The following HMCN1 variants were observed in gnomAD, a reference collection of about 807,000 sequenced individuals.
The protein encoded by HMCN1 is hemicentin-1.
A neutral mutation model predicts 625.9 loss-of-function variants in HMCN1; 321 were observed. The observed-to-expected ratio is 0.51, with a 90% CI of 0.47 to 0.56. The LOEUF (loss-of-function observed/expected upper bound fraction) is 0.56, where lower values mean the gene tolerates loss of function less well. Among genes scored for constraint, HMCN1 ranks in the 20% least tolerant of loss-of-function variants. The pLI is 0.00. For synonymous variants in HMCN1, 2,425 were observed against 2,417.6 expected (o/e 1.00, Z -0.09); for missense variants, 6,588 against 6,887.3 (o/e 0.96, Z 1.54).
chr1:186,041,746 T>A (rs1212423410), intron 40 of HMCN1, among the ~76,000 whole-genome samples: 1 of 152,130 alleles, frequency 6.6e-6, no homozygotes, highest in Non-Finnish European at 1.5e-5. Flanking sequence ...CATTCCAGTA[T>A]ACCTTTACAT....
intron 4 of HMCN1, among the ~76,000 whole-genome samples, chr1:185,892,758 C>G (rs974871045): frequency 1.3e-5 from 2 of 152,158 alleles, no homozygotes; most frequent in African/African-American, 4.8e-5. Context: ...TTACTGCCGT[C>G]TTTTTGTTTG....
chr1:185,977,984 A>G lies in HMCN1; in HGVS notation c.2566+3A>G. The G allele has an allele frequency of 6.3e-7, 1 of 1,594,870 alleles. No individual in the cohort carries two copies. On this transcript the variant is annotated splice_donor_region_variant and intron_variant, in intron 16 of 106. Coordinates refer to ENST00000271588, the MANE Select transcript of HMCN1 (RefSeq NM_031935.3). ...AACAGGAGCTCTCTTTATTTTAAGT[A>G]GGTTGAAGGAAATATATTTTGTACG...
intron 69 of HMCN1, among the ~76,000 whole-genome samples, chr1:186,105,995 TTAAGTA>T (rs1660591252): frequency 6.6e-6 from 1 of 152,208 alleles, no homozygotes; most frequent in African/African-American, 2.4e-5. Context: ...AAAATTATAT[TTAAGTA>T]TTTTTCCAAA....
At chr1:186,066,078 T>A (rs1658091014) in intron 49 of HMCN1, among the ~76,000 whole-genome samples, 2 of 152,186 alleles carry the variant, frequency 1.3e-5, no homozygotes, top group Admixed American at 1.3e-4. Flanking sequence ...GATAGAAACT[T>A]CTCATATTGA....
At chr1:186,120,250 C>T in intron 80 of HMCN1, 105 bp downstream of exon 80, 1 of 1,255,990 alleles carries the variant, frequency 8.0e-7, no homozygotes, top group Non-Finnish European at 1.1e-6. Context: ...CCCCATAGTT[C>T]TCGACATTCT....
At position 185,984,308 on chromosome 1, in the gene HMCN1, T is replaced by C. The variant is rs1312204806; in HGVS notation, c.2930T>C (p.Val977Ala). Residue 977 changes from valine to alanine, a missense_variant, in exon 19 of 107, where the codon GTG becomes GCG. By Grantham distance (64) the Val-to-Ala change is moderately conservative (BLOSUM62 0). Coordinates refer to ENST00000271588, the MANE Select transcript of HMCN1 (RefSeq NM_031935.3). ...GTNNKTTSVV[V>A]HVLPTIQHGQ... ...AATAACAAAACTACCTCTGTGGTTGTGCATGGTAAGAGACACACCCAATGT... is the reference window on the plus strand; with the variant it reads ...AATAACAAAACTACCTCTGTGGTTGCGCATGGTAAGAGACACACCCAATGT... 1 of 1,613,998 alleles carries C rather than the reference T, an allele frequency of 6.2e-7. No homozygotes were observed. The highest frequency in any genetic ancestry group is 1.1e-5 in the South Asian group (1 of 91,080).
At chr1:186,181,143 T>C (rs1241299996) in intron 104 of HMCN1, among the ~76,000 whole-genome samples, 1 of 152,118 alleles carries the variant, frequency 6.6e-6, no homozygotes, top group African/African-American at 2.4e-5. Context: ...TCATTTACAT[T>C]TCTGTTATTT....
rs776841878 is a variant in HMCN1, at chr1:186,178,636, C to T, written c.16164C>T (p.Tyr5388=). The T allele has an allele frequency of 1.2e-6, 2 of 1,614,082 alleles. No homozygotes were observed. The highest frequency in any genetic ancestry group is 1.7e-6 in the Non-Finnish European group (2 of 1,179,924). ...ACAACTATCAACCTCAACAGCATTA[C>T]AGACAGTACTCACATCTCTACAGCT... The part of the protein sequence containing the change: ...VRNNYQPQQH[Y]RQYSHLYSSY... The change falls in exon 104 of 107, where the codon TAC becomes TAT. Residue 5388 remains tyrosine (Y), a synonymous_variant. Transcript: ENST00000271588.
At chr1:185,751,237 A>G (rs1654794867) in intron 1 of HMCN1, among the ~76,000 whole-genome samples, 1 of 152,044 alleles carries the variant, frequency 6.6e-6, no homozygotes, top group South Asian at 2.1e-4. Context: ...TTTGGTCTTT[A>G]TTTGAGAATC....
At position 186,112,895 on chromosome 1, in the gene HMCN1, C is replaced by T. The variant is rs1199331679; in HGVS notation, c.11073C>T (p.Thr3691=). 2.5e-6 allele frequency: 4 copies of T among 1,613,950 alleles called. No homozygotes were observed. Among genetic ancestry groups the T allele is most frequent in the South Asian group, 1.1e-5 (1 of 91,086 alleles). ...ACCTAGGTGATACAGCCAATTATAC[C>T]TGTGTTGCCAGCAACATTGCAGGAA... is the stretch of plus-strand genomic sequence containing the variant. ...NADLGDTANY[T]CVASNIAGKT... Residue 3691 remains threonine, a synonymous_variant, in exon 72 of 107, where the codon ACC becomes ACT. Transcript: ENST00000271588.
chr1:186,101,188 G>GTAT (rs951320213), intron 68 of HMCN1, among the ~76,000 whole-genome samples: 5 of 152,038 alleles, frequency 3.3e-5, no homozygotes, highest in African/African-American at 1.2e-4. Flanking sequence ...TAAGTAAATG[G>GTAT]TATTGTAGCT....
chr1:185,982,446 T>C (rs901562533), intron 18 of HMCN1, 57 bp downstream of exon 18: 115 of 1,536,334 alleles, frequency 7.5e-5, no homozygotes, highest in Middle Eastern at 5.1e-4. Context: ...CTTTTCTTTT[T>C]TTTTTTTTTT....
intron 1 of HMCN1, among the ~76,000 whole-genome samples, chr1:185,807,512 T>C (rs1306103687): frequency 6.6e-6 from 1 of 152,218 alleles, no homozygotes; most frequent in Non-Finnish European, 1.5e-5. Context: ...GGAATACACA[T>C]AAACATGCAC....
chr1:185,928,016 A>G (rs1300442494), intron 9 of HMCN1, among the ~76,000 whole-genome samples: 2 of 152,138 alleles, frequency 1.3e-5, no homozygotes, highest in African/African-American at 4.8e-5. Flanking sequence ...AAAACTGATC[A>G]TTTGTTTTCA....
rs377635968 is a variant in HMCN1 at position 185,992,105 on chromosome 1, T to C, written c.3378-1077T>C. 3.3e-5 allele frequency among the ~76,000 whole-genome samples: 5 copies of C among 152,320 alleles called. No homozygotes were observed. In the East Asian group the frequency reaches 9.6e-4, roughly 29 times the overall value. ...TAACCTGTAAATCTGTTGCACAGTT[T>C]TCTGGTGACTTGTCTTTCTCTTATT... On this transcript the variant is annotated intron_variant, in intron 22 of 106. Transcript: ENST00000271588.
chr1:185,965,840 G>C lies in HMCN1; in HGVS notation c.2137G>C (p.Val713Leu), dbSNP rs749622096. The change falls in exon 14 of 107, where the codon GTT (valine) becomes CTT (leucine). Residue 713 changes from valine (V) to leucine (L), a missense_variant. Transcript: ENST00000271588. ...GATGGTAGTTCAGAGTGAGCTCTTG[G>C]TTGCCCTTGGGGATATAACCGTTAT... ...KLMVVQSELL[V>L]ALGDITVMEC... is the part of the protein sequence containing the mutation. 1 of 1,612,606 alleles carries C rather than the reference G, an allele frequency of 6.2e-7. No individual in the cohort carries two copies. The highest frequency in any genetic ancestry group is 8.5e-7 in the Non-Finnish European group (1 of 1,178,878).
rs767967183 is a variant in HMCN1, at chr1:186,095,306, C to A, written c.10358C>A (p.Thr3453Asn). 7.4e-6 allele frequency: 12 copies of A among 1,613,628 alleles called. No homozygotes were observed. The Admixed American group carries it at 2.0e-4, about 27-fold the overall frequency. Reference protein sequence around the residue: ...EEITVLKGSSTSMACITDGTP... With the variant: ...EEITVLKGSSNSMACITDGTP... ...ATCACAGTTCTCAAAGGTAGTTCCA[C>A]CTCTATGGCATGCATTACTGATGGA... The change falls in exon 68 of 107, where the codon ACC becomes AAC. Residue 3453 changes from threonine to asparagine, a missense_variant. This residue lies in a region of HMCN1 where 4,628 missense variants were observed against 4,853.1 expected (regional missense o/e 0.95). Transcript: ENST00000271588.
chr1:186,152,967 G>C (rs1319012736), intron 96 of HMCN1, 96 bp downstream of exon 96: 8 of 1,479,462 alleles, frequency 5.4e-6, no homozygotes, highest in Non-Finnish European at 7.5e-6. Context: ...CACTCTGTGG[G>C]GGAAAATGTC....
rs762471936 is a variant in HMCN1, at chr1:186,136,951, G to A, written c.13582+14G>A. ...TCATAGTCCAGGGTGAGTGTGATCAGAGGAATATTCATAGTAAACAGTACC... is the reference window on the plus strand; with the variant it reads ...TCATAGTCCAGGGTGAGTGTGATCAAAGGAATATTCATAGTAAACAGTACC... On this transcript the variant is annotated intron_variant, in intron 87 of 106. Coordinates refer to ENST00000271588, the MANE Select transcript of HMCN1 (RefSeq NM_031935.3). 1 of 1,612,154 alleles carries A rather than the reference G, an allele frequency of 6.2e-7. No individual in the cohort carries two copies. Among genetic ancestry groups the A allele is most frequent in the Non-Finnish European group, 8.5e-7 (1 of 1,179,784 alleles).
Sources: gnomAD v4.1 joint callset for allele counts (sites outside exome capture counted in the v4.1 genomes callset) on GRCh38, gnomAD v4.1.1 for gene constraint, gnomAD v4.1.1 regional missense constraint, MANE v1.5 for transcripts, NCBI Gene and HGNC (gene_info 2026-07-23, HGNC 2026-07-21) for gene names.